The following SLC30A4 variants were observed in gnomAD, a reference collection of about 807,000 sequenced individuals.
The protein encoded by SLC30A4 is probable proton-coupled zinc antiporter SLC30A4.
In SLC30A4, 20 loss-of-function variants were observed where a neutral mutation model predicts 41.7. The observed-to-expected ratio is 0.48, with a 90% CI of 0.34 to 0.70. The LOEUF is 0.70. Ranked by LOEUF, SLC30A4 falls within the 30% of genes least tolerant of loss-of-function variation. SLC30A4 has a pLI of 0.01. For missense variants in SLC30A4, 441 were observed against 529.3 expected, an observed-to-expected ratio of 0.83 and a Z score of 1.64; for synonymous variants, 181 against 195.9, an observed-to-expected ratio of 0.92 and a Z score of 0.64.
At chr15:45,512,100 G>A (rs1465348671) in intron 2 of SLC30A4, among the ~76,000 whole-genome samples, 2 of 152,032 alleles carry the variant, frequency 1.3e-5, no homozygotes, top group African/African-American at 4.8e-5. Context: ...GGGTACAAAA[G>A]GTAGTATTTA....
At chr15:45,510,125 G>A (rs1566880748) in intron 3 of SLC30A4, among the ~76,000 whole-genome samples, 2 of 151,740 alleles carry the variant, frequency 1.3e-5, no homozygotes, top group South Asian at 4.2e-4. Flanking sequence ...CTGCACTCCA[G>A]CCTGGGCAAC....
At chr15:45,496,565 TTAAA>T (rs1891910494) in intron 3 of SLC30A4, among the ~76,000 whole-genome samples, 1 of 152,162 alleles carries the variant, frequency 6.6e-6, no homozygotes, top group African/African-American at 2.4e-5. Flanking sequence ...ATTCGTTTTT[TTAAA>T]TAGAGACAGG....
chr15:45,515,553 T>G (rs1440179951), intron 2 of SLC30A4, among the ~76,000 whole-genome samples: 1 of 151,908 alleles, frequency 6.6e-6, no homozygotes, highest in East Asian at 1.9e-4. Flanking sequence ...CTTGGGAGAC[T>G]GAGGCAGGAA....
intron 1 of SLC30A4, 36 bp downstream of exon 1, chr15:45,522,571 G>T: frequency 2.0e-6 from 1 of 489,148 alleles, no homozygotes. Flanking sequence ...ACGCTCCGCC[G>T]GGGCTCCGCG....
chr15:45,515,778 C>G (rs776646674), intron 2 of SLC30A4: 1 of 150,238 alleles, frequency 6.7e-6, no homozygotes, highest in Non-Finnish European at 1.5e-5. Flanking sequence ...GATAGAGTCT[C>G]ACTCTGTCAC....
intron 3 of SLC30A4, among the ~76,000 whole-genome samples, chr15:45,506,461 C>A (rs993205420): frequency 6.6e-6 from 1 of 152,174 alleles, no homozygotes; most frequent in South Asian, 2.1e-4. Context: ...TTAAGTGTGT[C>A]CAAATGTAAA....
Position 45,479,826 on chromosome 15 carries a change from T to C in SLC30A4, c.*5337A>G, listed in dbSNP as rs1363853337. On this transcript the variant is annotated 3_prime_UTR_variant, in exon 8 of 8. Coordinates refer to ENST00000261867, the MANE Select transcript of SLC30A4 (RefSeq NM_013309.6). ...TGTATAGGAAATTACAATGTGAAAG[T>C]TGCAAATACAGCACATATATATATA... The C allele has an allele frequency of 6.7e-6, 1 of 148,284 alleles. No individual in the cohort carries two copies. Among genetic ancestry groups the C allele is most frequent in the Non-Finnish European group, 1.5e-5 (1 of 67,622 alleles). The allele number at this position is 148,284 out of a possible 1,614,324, so 9.2% of individuals were successfully genotyped here.
chr15:45,488,526 T>C (rs968148070), intron 5 of SLC30A4, among the ~76,000 whole-genome samples: 1 of 152,126 alleles, frequency 6.6e-6, no homozygotes, highest in African/African-American at 2.4e-5. Context: ...TAAGCCAAGA[T>C]TGTGCCACTG....
chr15:45,512,124 G>C (rs1196769085), intron 2 of SLC30A4, among the ~76,000 whole-genome samples: 1 of 152,092 alleles, frequency 6.6e-6, no homozygotes, highest in Non-Finnish European at 1.5e-5. Context: ...TACAATTTTT[G>C]TTATCGATTT....
intron 2 of SLC30A4, among the ~76,000 whole-genome samples, chr15:45,514,284 CG>C (rs1892395640): frequency 6.8e-6 from 1 of 146,748 alleles, no homozygotes; most frequent in East Asian, 2.1e-4. Context: ...GCGGAGGTTA[CG>C]GGGAGGTGGA....
Position 45,480,144 on chromosome 15 carries a change from G to C in SLC30A4, c.*5019C>G, listed in dbSNP as rs1391189583. On this transcript the variant is annotated 3_prime_UTR_variant, in exon 8 of 8. Coordinates refer to ENST00000261867, the MANE Select transcript of SLC30A4 (RefSeq NM_013309.6). ...CACTATTTAAGTGGACACTGTCATA[G>C]ATTTAACTGGGAAAGTCTCCATAAA... The C allele has an allele frequency of 1.3e-5, 2 of 152,150 alleles. No individual in the cohort carries two copies. Among genetic ancestry groups the C allele is most frequent in the Non-Finnish European group, 2.9e-5 (2 of 68,042 alleles). 9.4% of individuals were successfully genotyped at this position (152,150 alleles called of 1,614,324 possible).
chr15:45,500,830 C>T (rs548280066), intron 3 of SLC30A4, among the ~76,000 whole-genome samples: 1 of 151,772 alleles, frequency 6.6e-6, no homozygotes, highest in Admixed American at 6.6e-5. Flanking sequence ...TTATAGGCGG[C>T]CGCCAACATG....
At chr15:45,491,863 A>G (rs1461738874) in intron 3 of SLC30A4, among the ~76,000 whole-genome samples, 1 of 152,130 alleles carries the variant, frequency 6.6e-6, no homozygotes, top group Non-Finnish European at 1.5e-5. Context: ...GTCTCAAAAA[A>G]AAAAAAATCA....
chr15:45,480,906 T>C lies in SLC30A4; in HGVS notation c.*4257A>G, dbSNP rs1404118317. On this transcript the variant is annotated 3_prime_UTR_variant, in exon 8 of 8. Coordinates refer to ENST00000261867, the MANE Select transcript of SLC30A4 (RefSeq NM_013309.6). ...ACCACACTTACTCTACGAAGTCCAGTGTGCAGAGAAATCTGGATCTGGAAC... is the reference window on the plus strand; with the variant it reads ...ACCACACTTACTCTACGAAGTCCAGCGTGCAGAGAAATCTGGATCTGGAAC... 6.6e-6 allele frequency: 1 copy of C among 152,250 alleles called. No individual in the cohort carries two copies. The highest frequency in any genetic ancestry group is 2.4e-5 in the African/African-American group (1 of 41,470). 9.4% of individuals were successfully genotyped at this position (152,250 alleles called of 1,614,324 possible).
intron 2 of SLC30A4, chr15:45,515,916 T>G (rs967850748): frequency 6.6e-6 from 1 of 151,892 alleles, no homozygotes; most frequent in Non-Finnish European, 1.5e-5. Flanking sequence ...TGCCCTACTA[T>G]TTTTCTTTCT....
chr15:45,520,476 T>C (rs969415432), intron 2 of SLC30A4, among the ~76,000 whole-genome samples: 1 of 152,284 alleles, frequency 6.6e-6, no homozygotes, highest in Non-Finnish European at 1.5e-5. Context: ...GGTTTCACCA[T>C]GTTGGCCAGG....
In SLC30A4 at chr15:45,481,544, A is replaced by G. The variant is rs1891602017; in HGVS notation, c.*3619T>C. ...CACACCAAAGAACTGCCAAGTTTTT[A>G]TATTGTGGTCTGTGGTCCTGTCATA... On this transcript the variant is annotated 3_prime_UTR_variant, in exon 8 of 8. Transcript: ENST00000261867. The G allele has an allele frequency of 6.6e-6, 1 of 152,236 alleles. No homozygotes were observed. Among genetic ancestry groups the G allele is most frequent in the African/African-American group, 2.4e-5 (1 of 41,468 alleles). The allele number at this position is 152,236 out of a possible 1,614,324, so 9.4% of individuals were successfully genotyped here.
intron 3 of SLC30A4, among the ~76,000 whole-genome samples, chr15:45,504,247 G>A (rs1892102184): frequency 6.6e-6 from 1 of 152,118 alleles, no homozygotes; most frequent in Non-Finnish European, 1.5e-5. Context: ...AAGTAGAATT[G>A]CTCCTTCAAT....
chr15:45,509,523 G>C (rs996477362), intron 3 of SLC30A4, among the ~76,000 whole-genome samples: 5 of 151,970 alleles, frequency 3.3e-5, no homozygotes, highest in Admixed American at 3.3e-4. Context: ...CAAAGTGCTG[G>C]GATTACAGAC....
Sources: gnomAD v4.1 joint callset for allele counts (sites outside exome capture counted in the v4.1 genomes callset) on GRCh38, gnomAD v4.1.1 for gene constraint, MANE v1.5 for transcripts, NCBI Gene and HGNC (gene_info 2026-07-23, HGNC 2026-07-21) for gene names.